The following CEP162 variants were observed in gnomAD, a reference collection of about 807,000 sequenced individuals.
CEP162 encodes centrosomal protein of 162 kDa.
CEP162 carries 141 observed loss-of-function variants against 169.2 expected under a neutral mutation model. The ratio of observed to expected loss-of-function variants is 0.83; its 90% CI spans 0.73 to 0.96. The LOEUF (loss-of-function observed/expected upper bound fraction) is 0.96, where lower values mean the gene tolerates loss of function less well. Among genes scored for constraint, CEP162 ranks in the 40% least tolerant of loss-of-function variants. The pLI is 0.00. For synonymous variants in CEP162, 540 were observed against 526.4 expected, an observed-to-expected ratio of 1.03 and a Z score of -0.35; for missense variants, 1,600 against 1,587.2, an observed-to-expected ratio of 1.01 and a Z score of -0.14.
At chr6:84,164,005 C>CAAAAAAAAAAAAAAAAAAAAA (rs537600830) in intron 18 of CEP162, among the ~76,000 whole-genome samples, 1 of 83,414 alleles carries the variant, frequency 1.2e-5, no homozygotes, top group African/African-American at 3.4e-5. Flanking sequence ...AACAAATTTA[C>CAAAAAAAAAAAAAAAAAAAAA]AAAAAAAAAA....
chr6:84,169,755 G>A (rs938780845), intron 17 of CEP162, among the ~76,000 whole-genome samples: 3 of 152,098 alleles, frequency 2.0e-5, no homozygotes, highest in Admixed American at 1.3e-4. Context: ...TTTCTGTGGG[G>A]TTGTTAATGC....
chr6:84,171,837 C>G (rs573241228), intron 16 of CEP162, 119 bp from the exon 17 acceptor site: 1 of 414,082 alleles, frequency 2.4e-6, no homozygotes, highest in East Asian at 3.7e-5. Flanking sequence ...TTAGCTTTTG[C>G]GTATGTAAAG....
chr6:84,212,915 TATC>T, intron 6 of CEP162, 39 bp downstream of exon 6: 1 of 1,182,688 alleles, frequency 8.5e-7, no homozygotes, highest in Non-Finnish European at 1.2e-6. Flanking sequence ...AAAGCTATAT[TATC>T]TTTTCAAATA....
intron 25 of CEP162, among the ~76,000 whole-genome samples, chr6:84,140,671 G>A (rs925959206): frequency 9.2e-5 from 14 of 151,874 alleles, no homozygotes; most frequent in Non-Finnish European, 1.0e-4. Flanking sequence ...GACTACAGGC[G>A]CATGTTACTG....
At chr6:84,132,509 T>C (rs1416439130) in intron 25 of CEP162, among the ~76,000 whole-genome samples, 1 of 152,222 alleles carries the variant, frequency 6.6e-6, no homozygotes, top group Non-Finnish European at 1.5e-5. Context: ...TCTTTTCACA[T>C]AGTCCCATAT....
chr6:84,185,715 T>C (rs1469153010), intron 12 of CEP162, among the ~76,000 whole-genome samples: 2 of 152,152 alleles, frequency 1.3e-5, no homozygotes, highest in African/African-American at 4.8e-5. Flanking sequence ...ATTACTTGAA[T>C]GAATGCAGCA....
At chr6:84,207,332 T>C (rs1461656418) in intron 6 of CEP162, among the ~76,000 whole-genome samples, 1 of 152,100 alleles carries the variant, frequency 6.6e-6, no homozygotes, top group Admixed American at 6.5e-5. Context: ...TGTCCATCAA[T>C]GATAGACTGG....
chr6:84,153,186 G>A lies in CEP162; in HGVS notation c.2995-7C>T, dbSNP rs1562018790. 1 of 1,585,652 alleles carries A rather than the reference G, an allele frequency of 6.3e-7. No individual in the cohort carries two copies. The highest frequency in any genetic ancestry group is 2.2e-5 in the East Asian group (1 of 44,612). On this transcript the variant is annotated splice_polypyrimidine_tract_variant and splice_region_variant and intron_variant, in intron 22 of 26. Coordinates refer to ENST00000403245, the MANE Select transcript of CEP162 (RefSeq NM_014895.4). ...GTCTTTGTTCATACTGAATCTGAAG[G>A]AAAGAATCCATGTAATGCCAAACAC...
intron 22 of CEP162, among the ~76,000 whole-genome samples, 165 bp downstream of exon 22, chr6:84,155,133 A>G (rs2099522644): frequency 6.6e-6 from 1 of 152,194 alleles, no homozygotes; most frequent in African/African-American, 2.4e-5. Flanking sequence ...CTGAAAGACG[A>G]CACCAAAATA....
At chr6:84,182,025 G>A (rs949884717) in intron 13 of CEP162, among the ~76,000 whole-genome samples, 1 of 152,048 alleles carries the variant, frequency 6.6e-6, no homozygotes, top group East Asian at 1.9e-4. Flanking sequence ...TTCTTAGGAA[G>A]AAATTTCTTT....
At chr6:84,226,030 AAGG>A (rs138685202) in intron 2 of CEP162, among the ~76,000 whole-genome samples, 3,297 of 151,756 alleles carry the variant, frequency 0.022, 134 homozygotes, top group African/African-American at 0.076. Flanking sequence ...AAACCATGGT[AAGG>A]AGGAGTTGTT....
chr6:84,177,155 C>G (rs2099532746), intron 13 of CEP162, among the ~76,000 whole-genome samples: 1 of 152,170 alleles, frequency 6.6e-6, no homozygotes, highest in Admixed American at 6.5e-5. Flanking sequence ...GTGGCTGCCA[C>G]AGTGGACAAG....
At chr6:84,157,782 A>G (rs1401453190) in intron 21 of CEP162, among the ~76,000 whole-genome samples, 1 of 152,118 alleles carries the variant, frequency 6.6e-6, no homozygotes, top group Admixed American at 6.6e-5. Context: ...TCTACACTCT[A>G]CTGACTGAAA....
At position 84,124,611 on chromosome 6, in the gene CEP162, A is replaced by C. The variant is rs1298312914; in HGVS notation, c.*459T>G. 5.5e-6 allele frequency: 1 copy of C among 180,484 alleles called. No individual in the cohort carries two copies. The highest frequency in any genetic ancestry group is 1.1e-5 in the Non-Finnish European group (1 of 88,946). 11.2% of individuals were successfully genotyped at this position (180,484 alleles called of 1,614,324 possible). Reference sequence around the variant, plus strand: ...GTGTGAGCGGCAGTAAGCGTTGAAAAATTACCTGTTGGGTACAGTGTTTAA... The same window carrying C: ...GTGTGAGCGGCAGTAAGCGTTGAAACATTACCTGTTGGGTACAGTGTTTAA... On this transcript the variant is annotated 3_prime_UTR_variant, in exon 27 of 27. Coordinates refer to ENST00000403245, the MANE Select transcript of CEP162 (RefSeq NM_014895.4).
intron 26 of CEP162, among the ~76,000 whole-genome samples, chr6:84,125,776 T>C (rs544511882): frequency 4.7e-4 from 72 of 152,216 alleles, no homozygotes; most frequent in African/African-American, 1.7e-3. Flanking sequence ...AAAACCTCAA[T>C]CTGGGACTTC....
rs1302896980 is a variant in CEP162 at position 84,159,479 on chromosome 6, T to C, written c.2781+1333A>G. 2.1e-5 allele frequency among the ~76,000 whole-genome samples: 3 copies of C among 143,236 alleles called. No homozygotes were observed. The Admixed American group carries it at 2.1e-4, about 10-fold the overall frequency. The allele number at this position is 143,236 out of a possible 152,430, so 94.0% of individuals were successfully genotyped here. A position where few individuals can be genotyped will look rare whatever the true frequency, so the allele number is the denominator to read the frequency against. On this transcript the variant is annotated intron_variant, in intron 21 of 26. Transcript: ENST00000403245. Reference sequence around the variant, plus strand: ...AGAAAATCCAAGCAATGCTGGACTATACTTACTTCAGAATATTTCTAGTTC... The same window carrying C: ...AGAAAATCCAAGCAATGCTGGACTACACTTACTTCAGAATATTTCTAGTTC...
chr6:84,182,632 T>C (rs1463247204), intron 13 of CEP162, among the ~76,000 whole-genome samples: 1 of 152,156 alleles, frequency 6.6e-6, no homozygotes, highest in Non-Finnish European at 1.5e-5. Context: ...ATGGTTTGGC[T>C]GGCATCTACC....
intron 25 of CEP162, among the ~76,000 whole-genome samples, chr6:84,136,385 A>C (rs1012027823): frequency 2.6e-5 from 4 of 152,212 alleles, no homozygotes; most frequent in African/African-American, 9.7e-5. Context: ...AAGGGCAGGC[A>C]GGTGATGAGA....
chr6:84,149,853 A>G (rs2099520451), intron 23 of CEP162, 150 bp from the exon 24 acceptor site: 2 of 506,352 alleles, frequency 3.9e-6, no homozygotes, highest in Admixed American at 4.0e-5. Context: ...TGCTTTATAC[A>G]TTACTACTGC....
Sources: allele counts gnomAD v4.1 joint callset (sites outside exome capture counted in the v4.1 genomes callset), GRCh38; gene constraint gnomAD v4.1.1; transcripts MANE v1.5; gene names NCBI Gene and HGNC (gene_info 2026-07-23, HGNC 2026-07-21).